The following PGLS variants were observed in gnomAD, a reference collection of about 807,000 sequenced individuals.
PGLS encodes epididymis secretory protein Li 304.
PGLS carries 21 observed loss-of-function variants against 23.2 expected under a neutral mutation model. The ratio of observed to expected loss-of-function variants is 0.91; its 90% confidence interval spans 0.64 to 1.31. The LOEUF is 1.31. Ranked by LOEUF, PGLS falls within the 50% of genes most tolerant of loss-of-function variation. PGLS has a pLI of 0.00. For missense variants in PGLS, 410 were observed against 354.0 expected, an observed-to-expected ratio of 1.16 and a Z score of -1.27; for synonymous variants, 179 against 165.4, an observed-to-expected ratio of 1.08 and a Z score of -0.63.
chr19:17,515,731 C>T (rs938941005), intron 1 of PGLS: 7 of 164,856 alleles, frequency 4.2e-5, no homozygotes, highest in Admixed American at 1.7e-4. Context: ...CCGTGGGACC[C>T]TGGAGGCTTT....
rs1467943417 is a variant in PGLS, at chr19:17,516,293, GAGCGGCCGCAAGGGAGTCACATCCACGA to G, written c.396+21_396+48del. ...GAAGCTGAGACAGGTGAGCCCCGAG[GAGCGGCCGCAAGGGAGTCACATCCACGA>G]AGCGGCCACACCCCGGGCAACAGAG... On this transcript the variant is annotated intron_variant, in intron 2 of 4. Coordinates refer to ENST00000252603, the MANE Select transcript of PGLS (RefSeq NM_012088.3). 1 of 1,611,154 alleles carries G rather than the reference GAGCGGCCGCAAGGGAGTCACATCCACGA, an allele frequency of 6.2e-7. No individual in the cohort carries two copies.
At position 17,517,376 on chromosome 19, in the gene PGLS, AC is replaced by A; in HGVS notation, c.490del (p.Leu164SerfsTer23). 6.2e-7 allele frequency: 1 copy of A among 1,611,566 alleles called. No homozygotes were observed. Among genetic ancestry groups the A allele is most frequent in the Non-Finnish European group, 8.5e-7 (1 of 1,178,550 alleles). On this transcript the variant is annotated frameshift_variant, in exon 3 of 5. Coordinates refer to ENST00000252603, the MANE Select transcript of PGLS (RefSeq NM_012088.3). LOFTEE classifies it high-confidence loss of function. ...DGHTCSLFPD[H>X]PLLQEREKIV... ...CACACCTGCTCACTCTTCCCAGACCACCCCCTCCTACAGGTGAGCACACCAA... is the reference window on the plus strand; with the variant it reads ...CACACCTGCTCACTCTTCCCAGACCACCCCTCCTACAGGTGAGCACACCAA...
rs757852022 is a variant in PGLS, at chr19:17,511,799, C to G, written c.127C>G (p.Leu43Val). 7 of 1,503,218 alleles carry G rather than the reference C, an allele frequency of 4.7e-6. No individual in the cohort carries two copies. The Admixed American group carries it at 1.5e-4, about 32-fold the overall frequency. The allele number at this position is 1,503,218 out of a possible 1,614,324, so 93.1% of individuals were successfully genotyped here. ...GGCAGGGGCCCGCGCCCGTTTCGCG[C>G]TCGGCCTGTCGGGCGGGAGCCTCGT... ...CLAGARARFA[L>V]GLSGGSLVSM... The change falls in exon 1 of 5, where the codon CTC becomes GTC. Residue 43 changes from leucine (L) to valine (V), a missense_variant. By Grantham distance (32) the Leu-to-Val change is conservative. Coordinates refer to ENST00000252603, the MANE Select transcript of PGLS (RefSeq NM_012088.3).
rs1459039084 is a variant in PGLS, at chr19:17,511,789, C to T, written c.117C>T (p.Ala39=). ...CATGCTGCCTGGCAGGGGCCCGCGC[C>T]CGTTTCGCGCTCGGCCTGTCGGGCG... ...RAACCLAGAR[A]RFALGLSGGS... is the part of the protein sequence containing the mutation. The change falls in exon 1 of 5, where the codon GCC becomes GCT. Residue 39 remains alanine (A), a synonymous_variant. Coordinates refer to ENST00000252603, the MANE Select transcript of PGLS (RefSeq NM_012088.3). 14 of 1,498,184 alleles carry T rather than the reference C, an allele frequency of 9.3e-6. No individual in the cohort carries two copies. In the East Asian group the frequency reaches 3.8e-4, roughly 41 times the overall value. 92.8% of individuals were successfully genotyped at this position (1,498,184 alleles called of 1,614,324 possible).
intron 4 of PGLS, among the ~76,000 whole-genome samples, chr19:17,519,178 G>C (rs868747230): frequency 3.6e-4 from 55 of 151,558 alleles, no homozygotes; most frequent in African/African-American, 1.3e-3. Context: ...GCCAGGCGTG[G>C]TGGCGTGCGC....
At chr19:17,516,561 T>C in intron 2 of PGLS, 4 of 1,111,158 alleles carry the variant, frequency 3.6e-6, no homozygotes, top group East Asian at 4.4e-5. Context: ...CACTGTTTCC[T>C]GCGTTACAGC....
At chr19:17,516,976 C>G (rs2075536368) in intron 2 of PGLS, among the ~76,000 whole-genome samples, 1 of 151,778 alleles carries the variant, frequency 6.6e-6, no homozygotes, top group Non-Finnish European at 1.5e-5. Flanking sequence ...CCTCTGCCTC[C>G]CGGGCTCAAG....
Position 17,511,775 on chromosome 19 carries a change from G to A in PGLS, c.103G>A (p.Ala35Thr). The change falls in exon 1 of 5, where the codon GCA (alanine) becomes ACA (threonine). Residue 35 changes from alanine to threonine, a missense_variant. By Grantham distance (58) the Ala-to-Thr change is moderately conservative. Coordinates refer to ENST00000252603, the MANE Select transcript of PGLS (RefSeq NM_012088.3). ...LVAQRAACCL[A>T]GARARFALGL... is the part of the protein sequence containing the mutation. The stretch of plus-strand genomic sequence containing the variant: ...GGCCCAGCGCGCAGCATGCTGCCTG[G>A]CAGGGGCCCGCGCCCGTTTCGCGCT... The A allele has an allele frequency of 3.3e-6, 5 of 1,496,896 alleles. No individual in the cohort carries two copies. Among genetic ancestry groups the A allele is most frequent in the Non-Finnish European group, 4.4e-6 (5 of 1,130,078 alleles). 92.7% of individuals were successfully genotyped at this position (1,496,896 alleles called of 1,614,324 possible). A position where few individuals can be genotyped will look rare whatever the true frequency, so the allele number is the denominator to read the frequency against.
chr19:17,517,228 T>C (rs985396652), intron 2 of PGLS, 60 bp from the exon 3 acceptor site: 2 of 1,026,560 alleles, frequency 1.9e-6, no homozygotes, highest in African/African-American at 1.6e-5. Flanking sequence ...CTGTGTCCTC[T>C]GAGTCTCCCC....
At chr19:17,518,638 C>T (rs1458510730) in intron 4 of PGLS, 1 of 152,066 alleles carries the variant, frequency 6.6e-6, no homozygotes, top group Non-Finnish European at 1.5e-5. Context: ...TCAAGCGGTT[C>T]TCCTGCCTCA....
chr19:17,518,327 C>T (rs1441773758), intron 4 of PGLS: 1 of 151,818 alleles, frequency 6.6e-6, no homozygotes, highest in Non-Finnish European at 1.5e-5. Context: ...TAGAAAAGCT[C>T]CTGACAAGGC....
rs1372822038 is a variant in PGLS at position 17,511,724 on chromosome 19, C to T, written c.52C>T (p.Leu18=). 1.3e-6 allele frequency: 2 copies of T among 1,509,086 alleles called. No homozygotes were observed. The highest frequency in any genetic ancestry group is 2.4e-5 in the South Asian group (2 of 82,234). The allele number at this position is 1,509,086 out of a possible 1,614,324, so 93.5% of individuals were successfully genotyped here. ...CTCGGTGTTCTCGAGTTCCCAGGAG[C>T]TGGGTGCGGCGCTAGCGCAGCTGGT... The part of the protein sequence containing the change: ...LISVFSSSQE[L]GAALAQLVAQ... Residue 18 remains leucine, a synonymous_variant, in exon 1 of 5, where the codon CTG becomes TTG. Coordinates refer to ENST00000252603, the MANE Select transcript of PGLS (RefSeq NM_012088.3).
intron 4 of PGLS, among the ~76,000 whole-genome samples, chr19:17,519,034 C>T (rs1194452324): frequency 6.6e-6 from 1 of 151,822 alleles, no homozygotes; most frequent in African/African-American, 2.4e-5. Context: ...ATAAATCAGG[C>T]GGGGCGCGGT....
chr19:17,520,633 A>G, intron 4 of PGLS: 1 of 186,696 alleles, frequency 5.4e-6, no homozygotes, highest in African/African-American at 2.4e-5. Context: ...CAGGAGGCTG[A>G]GGCAGAAGAA....
intron 1 of PGLS, among the ~76,000 whole-genome samples, chr19:17,515,549 C>T (rs1267060531): frequency 6.6e-6 from 1 of 152,156 alleles, no homozygotes; most frequent in Admixed American, 6.5e-5. Flanking sequence ...CCTGGGCAAG[C>T]CTGGCCCCCA....
chr19:17,515,922 C>T lies in PGLS; in HGVS notation c.289-251C>T, dbSNP rs766040591. ...CCAAGAGCAGCAGGGCTCCCTCTTGCCCTTGAACCTCCTCTGCCCTGACAG... is the reference window on the plus strand; with the variant it reads ...CCAAGAGCAGCAGGGCTCCCTCTTGTCCTTGAACCTCCTCTGCCCTGACAG... On this transcript the variant is annotated intron_variant, in intron 1 of 4. Transcript: ENST00000252603. 14 of 373,876 alleles carry T rather than the reference C, an allele frequency of 3.7e-5. No homozygotes were observed. The South Asian group carries it at 3.9e-4, about 10-fold the overall frequency. The allele number at this position is 373,876 out of a possible 1,614,324, so 23.2% of individuals were successfully genotyped here. A position where few individuals can be genotyped will look rare whatever the true frequency, so the allele number is the denominator to read the frequency against.
chr19:17,520,054 G>A (rs2075549959), intron 4 of PGLS, among the ~76,000 whole-genome samples: 2 of 152,200 alleles, frequency 1.3e-5, no homozygotes, highest in African/African-American at 2.4e-5. Flanking sequence ...TTGGCAGACT[G>A]AGGCAAGAGG....
Position 17,511,873 on chromosome 19 carries a change from A to G in PGLS, c.201A>G (p.Pro67=), listed in dbSNP as rs2075508711. 1.1e-5 allele frequency: 17 copies of G among 1,537,892 alleles called. No individual in the cohort carries two copies. The highest frequency in any genetic ancestry group is 1.3e-5 in the Non-Finnish European group (15 of 1,143,888). ...CCGCCGCCGTCGCCCCTGCCGGGCCAGCTAGCTTAGCGCGCTGGACGCTGG... is the reference window on the plus strand; with the variant it reads ...CCGCCGCCGTCGCCCCTGCCGGGCCGGCTAGCTTAGCGCGCTGGACGCTGG... ...ELPAAVAPAG[P]ASLARWTLGF... The change falls in exon 1 of 5, where the codon CCA becomes CCG. Residue 67 remains proline (P), a synonymous_variant. Transcript: ENST00000252603.
intron 1 of PGLS, 21 bp from the exon 2 acceptor site, chr19:17,516,152 T>C (rs2075531075): frequency 6.3e-7 from 1 of 1,589,850 alleles, no homozygotes; most frequent in East Asian, 2.2e-5. Flanking sequence ...GTTGGTGACA[T>C]TGTCCCTCTG....
Sources: gnomAD v4.1 joint callset for allele counts (sites outside exome capture counted in the v4.1 genomes callset) on GRCh38, gnomAD v4.1.1 for gene constraint, MANE v1.5 for transcripts, NCBI Gene and HGNC (gene_info 2026-07-23, HGNC 2026-07-21) for gene names.